NIPBL: variants seen among roughly 807,000 people sequenced by gnomAD.
NIPBL encodes the protein nipped-B-like protein.
In NIPBL, 19 loss-of-function variants were observed where a neutral mutation model predicts 321.8. That is an observed-to-expected ratio of 0.06 (90% CI 0.04 to 0.09). The LOEUF (loss-of-function observed/expected upper bound fraction) is 0.09. Among genes scored for constraint, NIPBL ranks in the 10% least tolerant of loss-of-function variants. The pLI is 1.00. For missense variants in NIPBL, 2,210 were observed against 3,327.0 expected (o/e 0.66, Z 8.26); for synonymous variants, 1,106 against 1,114.1 (o/e 0.99, Z 0.14).
intron 1 of NIPBL, among the ~76,000 whole-genome samples, chr5:36,878,346 C>T (rs758183529): frequency 7.2e-5 from 11 of 152,162 alleles, no homozygotes; most frequent in Non-Finnish European, 1.0e-4. Context: ...TCAGTTCTAA[C>T]TTGACAAGTT....
intron 32 of NIPBL, among the ~76,000 whole-genome samples, chr5:37,031,796 G>C (rs969277177): frequency 2.6e-5 from 4 of 152,160 alleles, no homozygotes; most frequent in African/African-American, 9.7e-5. Context: ...AATACATACA[G>C]CAACATAGAT....
chr5:36,920,046 A>G (rs1007404991), intron 1 of NIPBL, among the ~76,000 whole-genome samples: 1 of 152,188 alleles, frequency 6.6e-6, no homozygotes, highest in Non-Finnish European at 1.5e-5. Context: ...CAGGATAGAA[A>G]TACTCATTTT....
At chr5:37,062,175 T>C (rs146527829) in intron 45 of NIPBL, among the ~76,000 whole-genome samples, 2 of 152,322 alleles carry the variant, frequency 1.3e-5, no homozygotes, top group African/African-American at 4.8e-5. Flanking sequence ...CCAAATAGTT[T>C]TTGATCCACT....
chr5:37,000,970 A>T lies in NIPBL; in HGVS notation c.3575-19A>T. ...TACTTGTAATGTGAGAATAATGAAT[A>T]TATTTTTCTCTCTTGCAGAAATGAT... On this transcript the variant is annotated intron_variant, in intron 13 of 46. Transcript: ENST00000282516. 6.3e-7 allele frequency: 1 copy of T among 1,590,088 alleles called. No homozygotes were observed. The highest frequency in any genetic ancestry group is 8.6e-7 in the Non-Finnish European group (1 of 1,158,438).
rs1748513026 is a variant in NIPBL at position 36,916,973 on chromosome 5, G to C, written c.-79-36645G>C. ...CCGCAATAAACATACGTGTGCATGT[G>C]TCTTTATAGCAGCATGATTTATAGT... On this transcript the variant is annotated intron_variant, in intron 1 of 46. Transcript: ENST00000282516. 3.3e-5 allele frequency among the ~76,000 whole-genome samples: 5 copies of C among 152,182 alleles called. No homozygotes were observed. In the South Asian group the frequency reaches 1.0e-3, roughly 32 times the overall value.
chr5:36,902,574 T>C (rs1747314561), intron 1 of NIPBL, among the ~76,000 whole-genome samples: 1 of 152,170 alleles, frequency 6.6e-6, no homozygotes. Flanking sequence ...GCTTTATTTC[T>C]GGGCTCTCAC....
intron 31 of NIPBL, 59 bp from the exon 32 acceptor site, chr5:37,027,300 T>C: frequency 7.9e-7 from 1 of 1,264,818 alleles, no homozygotes; most frequent in East Asian, 2.3e-5. Context: ...ATAACAAAAG[T>C]ATATTTTATT....
chr5:36,943,768 G>A (rs921757134), intron 1 of NIPBL, among the ~76,000 whole-genome samples: 5 of 152,128 alleles, frequency 3.3e-5, no homozygotes, highest in Non-Finnish European at 7.4e-5. Context: ...AAAAGAACCA[G>A]AAGAGGATCC....
intron 22 of NIPBL, among the ~76,000 whole-genome samples, chr5:37,015,359 G>A (rs796822654): frequency 2.6e-5 from 4 of 152,078 alleles, no homozygotes; most frequent in African/African-American, 9.7e-5. Context: ...CCCAACCTCC[G>A]GTGATCTGCC....
intron 1 of NIPBL, among the ~76,000 whole-genome samples, chr5:36,948,793 G>A (rs1739963255): frequency 6.6e-6 from 1 of 151,814 alleles, no homozygotes; most frequent in South Asian, 2.1e-4. Context: ...AGTAATTGAA[G>A]TGCCATAGAA....
At chr5:37,032,439 AGTGT>A (rs1751175598) in intron 32 of NIPBL, among the ~76,000 whole-genome samples, 1 of 70,958 alleles carries the variant, frequency 1.4e-5, no homozygotes, top group Admixed American at 1.5e-4. Flanking sequence ...GTGTGTGTGT[AGTGT>A]GTGTGTTCAT....
chr5:37,036,433 C>A lies in NIPBL; in HGVS notation c.5917C>A (p.Gln1973Lys), dbSNP rs868722572. 5 of 1,469,582 alleles carry A rather than the reference C, an allele frequency of 3.4e-6. No individual in the cohort carries two copies. The East Asian group carries it at 7.7e-5, about 23-fold the overall frequency. 91.0% of individuals were successfully genotyped at this position (1,469,582 alleles called of 1,614,324 possible). A position where few individuals can be genotyped will look rare whatever the true frequency, so the allele number is the denominator to read the frequency against. The change falls in exon 33 of 47, where the codon CAA becomes AAA. Residue 1973 changes from glutamine (Q) to lysine (K), a missense_variant. This residue lies in a region of NIPBL where 69 missense variants were observed against 100.8 expected (regional missense o/e 0.68). Transcript: ENST00000282516. ...SYKPVKKACT[Q>K]LVDNLVEHIL... ...TAAACCTGTGAAGAAAGCTTGTACTCAACTTGTTGATAACCTAGTTGAGCA... is the reference window on the plus strand; with the variant it reads ...TAAACCTGTGAAGAAAGCTTGTACTAAACTTGTTGATAACCTAGTTGAGCA...
intron 20 of NIPBL, among the ~76,000 whole-genome samples, chr5:37,009,241 A>T (rs1561150474): frequency 1.3e-5 from 2 of 152,210 alleles, no homozygotes; most frequent in South Asian, 2.1e-4. Flanking sequence ...GTCTCAAAAA[A>T]AAAAATAAAA....
At chr5:36,946,955 A>G (rs1480678000) in intron 1 of NIPBL, among the ~76,000 whole-genome samples, 1 of 152,088 alleles carries the variant, frequency 6.6e-6, no homozygotes, top group African/African-American at 2.4e-5. Context: ...TTGATTAGAA[A>G]CACCTGAGTT....
In NIPBL at chr5:37,020,823, A is replaced by G. The variant is rs753050851; in HGVS notation, c.5274A>G (p.Arg1758=). ...ATGATGATGCTTGCTTGATTGTTCG[A>G]TACTTGGCCTCCATGAGGCCGTTTG... The part of the protein sequence containing the change: ...VDYDDACLIV[R]YLASMRPFAQ... The change falls in exon 27 of 47, where the codon CGA becomes CGG. Residue 1758 remains arginine (R), a synonymous_variant. Transcript: ENST00000282516. 4 of 1,614,176 alleles carry G rather than the reference A, an allele frequency of 2.5e-6. No individual in the cohort carries two copies. The highest frequency in any genetic ancestry group is 3.4e-6 in the Non-Finnish European group (4 of 1,180,008).
intron 1 of NIPBL, among the ~76,000 whole-genome samples, chr5:36,899,782 C>G (rs536402219): frequency 7.5e-4 from 114 of 152,200 alleles, no homozygotes; most frequent in African/African-American, 2.5e-3. Context: ...AAAATCAGTC[C>G]TGTATTGTAT....
In NIPBL at chr5:36,885,303, C is replaced by T. The variant is rs1338997896; in HGVS notation, c.-80+8125C>T. The T allele has an allele frequency of 8.0e-6, 4 of 497,884 alleles. No homozygotes were observed. In the Admixed American group the frequency reaches 8.9e-5, roughly 11 times the overall value. The allele number at this position is 497,884 out of a possible 1,614,324, so 30.8% of individuals were successfully genotyped here. A position where few individuals can be genotyped will look rare whatever the true frequency, so the allele number is the denominator to read the frequency against. On this transcript the variant is annotated intron_variant, in intron 1 of 46. Coordinates refer to ENST00000282516, the MANE Select transcript of NIPBL (RefSeq NM_133433.4). The stretch of plus-strand genomic sequence containing the variant: ...GGTGCCTGACTGGTCAGCAGTGCAG[C>T]CAGCGTCTATGCAGGCGCCAGGGGC...
Position 36,985,753 on chromosome 5 carries a change from C to T in NIPBL, c.2573C>T (p.Ser858Phe). 6.2e-7 allele frequency: 1 copy of T among 1,613,724 alleles called. No individual in the cohort carries two copies. Among genetic ancestry groups the T allele is most frequent in the South Asian group, 1.1e-5 (1 of 91,070 alleles). ...SSSRNEHGIK[S>F]DSSKTDKLER... is the part of the protein sequence containing the mutation. Reference sequence around the variant, plus strand: ...AGTAGAAATGAACATGGCATTAAATCTGATAGTTCAAAAACTGATAAACTA... The same window carrying T: ...AGTAGAAATGAACATGGCATTAAATTTGATAGTTCAAAAACTGATAAACTA... The change falls in exon 10 of 47, where the codon TCT becomes TTT. Residue 858 changes from serine (S) to phenylalanine (F), a missense_variant. Ser to Phe is a radical substitution (Grantham distance 155). This residue lies in a region of NIPBL where 588 missense variants were observed against 564.1 expected (regional missense o/e 1.04). Coordinates refer to ENST00000282516, the MANE Select transcript of NIPBL (RefSeq NM_133433.4).
chr5:37,020,680 T>G lies in NIPBL; in HGVS notation c.5225+7T>G. Reference sequence around the variant, plus strand: ...CTCAGTTTAGCACATTAAAGTAAGATCCAAGGAGAAAACAGTTTACATTTA... The same window carrying G: ...CTCAGTTTAGCACATTAAAGTAAGAGCCAAGGAGAAAACAGTTTACATTTA... On this transcript the variant is annotated splice_region_variant and intron_variant, in intron 26 of 46. Transcript: ENST00000282516. The G allele has an allele frequency of 6.2e-7, 1 of 1,611,168 alleles. No homozygotes were observed. The highest frequency in any genetic ancestry group is 8.5e-7 in the Non-Finnish European group (1 of 1,177,400).
Sources: allele counts gnomAD v4.1 joint callset (sites outside exome capture counted in the v4.1 genomes callset), GRCh38; gene constraint gnomAD v4.1.1; regional missense constraint gnomAD v4.1.1; transcripts MANE v1.5; gene names NCBI Gene and HGNC (gene_info 2026-07-23, HGNC 2026-07-21).